Variants in CCDC198 observed in about 807,000 individuals in gnomAD.
CCDC198 encodes the protein coiled-coil domain containing 198.
Under a neutral mutation model 35.6 loss-of-function variants are expected in CCDC198, and 18 were observed. The ratio of observed to expected loss-of-function variants is 0.51; its 90% CI spans 0.35 to 0.75. CCDC198 has a LOEUF of 0.75. CCDC198 is among the 30% of genes least tolerant of loss of function. The pLI is 0.01. For synonymous variants in CCDC198, 119 were observed against 113.4 expected (o/e 1.05, Z -0.31); for missense variants, 365 against 343.7 (o/e 1.06, Z -0.49).
chr14:57,483,262 T>A, intron 2 of CCDC198, 111 bp from the exon 3 acceptor site: 5 of 1,507,942 alleles, frequency 3.3e-6, no homozygotes, highest in South Asian at 2.4e-5. Context: ...CACTTATTTC[T>A]GAGAGCATAC....
chr14:57,489,416 A>G (rs1409279208), intron 2 of CCDC198, among the ~76,000 whole-genome samples: 1 of 152,088 alleles, frequency 6.6e-6, no homozygotes, highest in Admixed American at 6.6e-5. Context: ...CAGCTAATGA[A>G]TACTGAGCTT....
At position 57,471,486 on chromosome 14, in the gene CCDC198, C is replaced by A. The variant is rs755772802; in HGVS notation, c.760G>T (p.Gly254Ter). 3 of 1,613,882 alleles carry A rather than the reference C, an allele frequency of 1.9e-6. No individual in the cohort carries two copies. Among genetic ancestry groups the A allele is most frequent in the Non-Finnish European group, 2.5e-6 (3 of 1,179,908 alleles). ...CTGGAACTGTCCCAGAGAAGCTGTC[C>A]CTGGGCCTCTTGTTCATGAAGCCAT... is the stretch of plus-strand genomic sequence containing the variant. ...ETWLHEQEAQ[G>*]QLLWDSSSSD... The change falls in exon 6 of 6, where the codon GGA becomes TGA. Residue 254 changes from glycine to a stop codon, truncating the protein, a stop_gained. Transcript: ENST00000216445. LOFTEE classifies it high-confidence loss of function.
At chr14:57,477,858 C>T (rs938180015) in intron 5 of CCDC198, among the ~76,000 whole-genome samples, 14 of 151,982 alleles carry the variant, frequency 9.2e-5, no homozygotes, top group East Asian at 1.9e-4. Context: ...CCACTGTGCC[C>T]GACTAATTTT....
rs1368853189 is a variant in CCDC198, at chr14:57,480,689, G to A, written c.561C>T (p.Asp187=). 1.9e-6 allele frequency: 3 copies of A among 1,613,986 alleles called. No individual in the cohort carries two copies. In the African/African-American group the frequency reaches 4.0e-5, roughly 22 times the overall value. The change falls in exon 5 of 6, where the codon GAC becomes GAT. Residue 187 remains aspartate (D), a synonymous_variant. Coordinates refer to ENST00000216445, the MANE Select transcript of CCDC198 (RefSeq NM_018168.4). ...EARINKQSPR[D]HKAKKTLQST... ...TTTGAAGGGTTTTCTTGGCTTTATG[G>A]TCCCTTGGACTTTGCTTATTAATTC...
rs747430586 is a variant in CCDC198, at chr14:57,493,721, G to A, written c.-6C>T. ...TTAGAGTGACTCAGGCCCATTTCAT[G>A]TGAAAGACATTCAGAGGAAAGCTGC... On this transcript the variant is annotated 5_prime_UTR_variant, in exon 1 of 6. Transcript: ENST00000216445. The A allele has an allele frequency of 9.3e-6, 15 of 1,609,020 alleles. No individual in the cohort carries two copies. In the Admixed American group the frequency reaches 2.5e-4, roughly 27 times the overall value.
At position 57,481,543 on chromosome 14, in the gene CCDC198, C is replaced by T. The variant is rs764582185; in HGVS notation, c.495+16G>A. 1.3e-6 allele frequency: 2 copies of T among 1,566,300 alleles called. No homozygotes were observed. Among genetic ancestry groups the T allele is most frequent in the Non-Finnish European group, 1.8e-6 (2 of 1,138,988 alleles). On this transcript the variant is annotated intron_variant, in intron 4 of 5. Coordinates refer to ENST00000216445, the MANE Select transcript of CCDC198 (RefSeq NM_018168.4). The stretch of plus-strand genomic sequence containing the variant: ...TGATGAAAATTTGGTAAATATGACA[C>T]TCTTCTCGTATTTACCTCTTGTCTT...
At chr14:57,478,618 G>A (rs981533987) in intron 5 of CCDC198, 37 of 989,120 alleles carry the variant, frequency 3.7e-5, no homozygotes, top group Non-Finnish European at 4.4e-5. Context: ...GCTCTCAAGT[G>A]ATGACTCTTA....
intron 2 of CCDC198, 50 bp from the exon 3 acceptor site, chr14:57,483,201 A>T (rs778869387): frequency 1.9e-6 from 3 of 1,613,218 alleles, no homozygotes; most frequent in Middle Eastern, 1.7e-4. Flanking sequence ...CCATGAGATG[A>T]TGAAACAGAA....
rs1042938865 is a variant in CCDC198, at chr14:57,470,375, C to T, written c.*980G>A. ...TTTGAGACAGAGTCTCATTCTGTCG[C>T]CCAGGCTGGAGTGCAGTGGAGTGAT... is the stretch of plus-strand genomic sequence containing the variant. On this transcript the variant is annotated 3_prime_UTR_variant, in exon 6 of 6. Transcript: ENST00000216445. 6.6e-6 allele frequency: 1 copy of T among 152,168 alleles called. No homozygotes were observed. The highest frequency in any genetic ancestry group is 2.4e-5 in the African/African-American group (1 of 41,434). 9.4% of individuals were successfully genotyped at this position (152,168 alleles called of 1,614,324 possible). A position where few individuals can be genotyped will look rare whatever the true frequency, so the allele number is the denominator to read the frequency against.
At position 57,471,435 on chromosome 14, in the gene CCDC198, C is replaced by A. The variant is rs749013253; in HGVS notation, c.811G>T (p.Asp271Tyr). The A allele has an allele frequency of 2.4e-5, 39 of 1,613,902 alleles. No individual in the cohort carries two copies. In the South Asian group the frequency reaches 4.1e-4, roughly 17 times the overall value. The change falls in exon 6 of 6, where the codon GAT (aspartate) becomes TAT (tyrosine). Residue 271 changes from aspartate (D) to tyrosine (Y), a missense_variant. Asp to Tyr is a radical substitution (Grantham distance 160). Transcript: ENST00000216445. ...ACCAGTGCTCGTGGCTTCTTCTCAT[C>A]TTTCCCCTGCTCATCTGAGTCAGAG... ...SSSDSDEQGKDEKKPRALVRT... is the reference protein window; with the variant it reads ...SSSDSDEQGKYEKKPRALVRT...
intron 4 of CCDC198, 77 bp downstream of exon 4, chr14:57,481,482 T>A: frequency 1.0e-6 from 1 of 997,946 alleles, no homozygotes; most frequent in Non-Finnish European, 1.6e-6. Context: ...TGGCTATCTA[T>A]GCTTGATATA....
intron 2 of CCDC198, among the ~76,000 whole-genome samples, chr14:57,484,949 G>A (rs1350603384): frequency 1.3e-5 from 2 of 152,130 alleles, no homozygotes; most frequent in Admixed American, 6.5e-5. Context: ...GGAAATTGAT[G>A]AGCTCTACAA....
chr14:57,484,393 T>A (rs1471437766), intron 2 of CCDC198, among the ~76,000 whole-genome samples: 1 of 151,842 alleles, frequency 6.6e-6, no homozygotes, highest in Non-Finnish European at 1.5e-5. Context: ...CACCCAAGAG[T>A]GCCAGAAAAC....
intron 5 of CCDC198, chr14:57,479,090 G>A (rs999868012): frequency 8.5e-7 from 1 of 1,173,332 alleles, no homozygotes; most frequent in Non-Finnish European, 1.1e-6. Context: ...TAGCGTAGAA[G>A]TTGTAGACAA....
intron 5 of CCDC198, chr14:57,480,269 A>G (rs1316716104): frequency 8.1e-6 from 8 of 985,336 alleles, no homozygotes; most frequent in Non-Finnish European, 9.6e-6. Context: ...ATATCTTCAT[A>G]TGCTTCATTC....
chr14:57,485,657 G>T (rs1471308689), intron 2 of CCDC198, among the ~76,000 whole-genome samples: 1 of 152,182 alleles, frequency 6.6e-6, no homozygotes, highest in African/African-American at 2.4e-5. Context: ...ACCACTTCTA[G>T]GTCCCTGGTC....
At chr14:57,479,303 G>A (rs1184641701) in intron 5 of CCDC198, among the ~76,000 whole-genome samples, 1 of 152,118 alleles carries the variant, frequency 6.6e-6, no homozygotes, top group African/African-American at 2.4e-5. Flanking sequence ...GGCCAGGCTA[G>A]GTTTTGAAAT....
intron 2 of CCDC198, among the ~76,000 whole-genome samples, chr14:57,486,757 C>A (rs753413113): frequency 5.3e-5 from 8 of 151,952 alleles, no homozygotes; most frequent in Non-Finnish European, 1.2e-4. Context: ...ATTCATGGAC[C>A]AAGTTTTTGC....
chr14:57,480,435 A>G, intron 5 of CCDC198, 160 bp downstream of exon 5: 1 of 739,628 alleles, frequency 1.4e-6, no homozygotes, highest in Non-Finnish European at 1.7e-6. Flanking sequence ...GCCATCCAAA[A>G]TTACATGACA....
Sources: gnomAD v4.1 joint callset for allele counts (sites outside exome capture counted in the v4.1 genomes callset) on GRCh38, gnomAD v4.1.1 for gene constraint, MANE v1.5 for transcripts, NCBI Gene and HGNC (gene_info 2026-07-23, HGNC 2026-07-21) for gene names.